Variants in PNPT1 observed in about 807,000 individuals in gnomAD.
PNPT1 encodes polyribonucleotide nucleotidyltransferase 1.
A neutral mutation model predicts 119.5 loss-of-function variants in PNPT1; 53 were observed. The observed-to-expected ratio is 0.44, with a 90% CI of 0.36 to 0.56. The LOEUF (loss-of-function observed/expected upper bound fraction) is 0.56, where lower values mean the gene tolerates loss of function less well. Among genes scored for constraint, PNPT1 ranks in the 20% least tolerant of loss-of-function variants. The pLI, the probability that PNPT1 is intolerant of heterozygous loss-of-function variation, is 0.00. For synonymous variants in PNPT1, 357 were observed against 322.1 expected (o/e 1.11, Z -1.16); for missense variants, 948 against 938.5 (o/e 1.01, Z -0.13).
chr2:55,643,245 A>G lies in PNPT1; in HGVS notation c.2014-32T>C, dbSNP rs761459840. 12 of 1,613,908 alleles carry G rather than the reference A, an allele frequency of 7.4e-6. No homozygotes were observed. The South Asian group carries it at 1.1e-4, about 15-fold the overall frequency. ...GTGCAAAATAAGCCATAAGATTCAT[A>G]AAGAAAACATCAACAAAAAGTAGAA... On this transcript the variant is annotated intron_variant, in intron 24 of 27. Transcript: ENST00000447944.
chr2:55,688,567 A>T (rs1697492911), intron 1 of PNPT1, among the ~76,000 whole-genome samples: 1 of 152,116 alleles, frequency 6.6e-6, no homozygotes, highest in Non-Finnish European at 1.5e-5. Flanking sequence ...TCTACAAAAA[A>T]TATCAAAATT....
rs78670375 is a variant in PNPT1, at chr2:55,693,475, T to C, written c.161+188A>G. Among the ~76,000 whole-genome samples, 43 of 151,960 alleles carry C rather than the reference T, an allele frequency of 2.8e-4. No homozygotes were observed. In the East Asian group the frequency reaches 6.4e-3, roughly 23 times the overall value. On this transcript the variant is annotated intron_variant, in intron 1 of 27. Transcript: ENST00000447944. ...GCACACACCAACAGAGAGAACGACA[T>C]AGCGCGGGAAGGAGGGTCCGAGGAG...
intron 20 of PNPT1, 41 bp from the exon 21 acceptor site, chr2:55,646,363 A>G: frequency 1.9e-6 from 3 of 1,597,528 alleles, no homozygotes; most frequent in Non-Finnish European, 2.6e-6. Flanking sequence ...ATATTGACTC[A>G]TGGCATTATT....
chr2:55,679,564 A>G (rs928048502), intron 8 of PNPT1, 118 bp downstream of exon 8: 2 of 678,326 alleles, frequency 2.9e-6, no homozygotes, highest in Non-Finnish European at 5.0e-6. Context: ...CAGAGATAAA[A>G]CATGACAAAA....
chr2:55,652,340 T>G (rs1325506819), intron 18 of PNPT1, among the ~76,000 whole-genome samples: 1 of 152,250 alleles, frequency 6.6e-6, no homozygotes, highest in African/African-American at 2.4e-5. Flanking sequence ...CCACAGGACT[T>G]GACATTCATT....
intron 21 of PNPT1, 23 bp from the exon 22 acceptor site, chr2:55,645,455 T>G: frequency 4.1e-6 from 6 of 1,464,580 alleles, no homozygotes; most frequent in Non-Finnish European, 5.7e-6. Context: ...AACACAAAAA[T>G]TATAACTACA....
chr2:55,637,295 C>T (rs1281507540), intron 27 of PNPT1, among the ~76,000 whole-genome samples: 1 of 152,208 alleles, frequency 6.6e-6, no homozygotes, highest in Non-Finnish European at 1.5e-5. Context: ...GCATAGCTAA[C>T]ACTAACATGC....
At chr2:55,680,818 T>A in intron 6 of PNPT1, 37 bp downstream of exon 6, 1 of 1,611,374 alleles carries the variant, frequency 6.2e-7, no homozygotes, top group Non-Finnish European at 8.5e-7. Flanking sequence ...AAAAAAATTT[T>A]TAATCTGATA....
chr2:55,674,642 G>A (rs750739214), intron 8 of PNPT1, among the ~76,000 whole-genome samples: 2 of 152,128 alleles, frequency 1.3e-5, no homozygotes, highest in Non-Finnish European at 2.9e-5. Context: ...AGAGCAATAA[G>A]CTTTTCTTTC....
intron 9 of PNPT1, 152 bp from the exon 10 acceptor site, chr2:55,672,198 T>C (rs1489682739): frequency 7.8e-6 from 5 of 638,536 alleles, no homozygotes; most frequent in Non-Finnish European, 1.3e-5. Context: ...CTATTTATCA[T>C]TGCTAATCTG....
chr2:55,693,701 G>C lies in PNPT1; in HGVS notation c.123C>G (p.Ser41Arg), dbSNP rs1351205229. 1 of 1,614,188 alleles carries C rather than the reference G, an allele frequency of 6.2e-7. No individual in the cohort carries two copies. The highest frequency in any genetic ancestry group is 1.7e-5 in the Admixed American group (1 of 60,022). ...TQLQVRALWS[S>R]AGSRAVAVDL... ...CCACGGCCACAGCTCGAGACCCTGC[G>C]CTACTCCATAGTGCTCGCACTTGCA... The change falls in exon 1 of 28, where the codon AGC becomes AGG. Residue 41 changes from serine (S) to arginine (R), a missense_variant. Ser to Arg is a moderately radical substitution (Grantham distance 110). Transcript: ENST00000447944.
At chr2:55,680,012 C>G (rs998575995) in intron 7 of PNPT1, among the ~76,000 whole-genome samples, 1 of 152,138 alleles carries the variant, frequency 6.6e-6, no homozygotes, top group Non-Finnish European at 1.5e-5. Flanking sequence ...TTCTTCCACA[C>G]CTCTGGGATT....
intron 11 of PNPT1, among the ~76,000 whole-genome samples, chr2:55,670,025 C>A (rs1490170666): frequency 6.6e-6 from 1 of 151,994 alleles, no homozygotes; most frequent in Non-Finnish European, 1.5e-5. Flanking sequence ...TCCCAAAGTG[C>A]TGGGATTACA....
intron 1 of PNPT1, among the ~76,000 whole-genome samples, chr2:55,688,920 A>C (rs1049204392): frequency 6.6e-6 from 1 of 152,206 alleles, no homozygotes; most frequent in Non-Finnish European, 1.5e-5. Context: ...GGACAACTGG[A>C]TGCAAAAAAG....
chr2:55,687,579 T>A (rs562494293), intron 2 of PNPT1, 66 bp downstream of exon 2: 4 of 1,155,770 alleles, frequency 3.5e-6, no homozygotes, highest in Non-Finnish European at 4.9e-6. Context: ...GATGTTGTAG[T>A]TACACATTTA....
At chr2:55,637,753 T>C (rs1322319789) in intron 26 of PNPT1, among the ~76,000 whole-genome samples, 154 bp from the exon 27 acceptor site, 5 of 152,000 alleles carry the variant, frequency 3.3e-5, no homozygotes, top group Non-Finnish European at 5.9e-5. Context: ...TTCCAGCACT[T>C]TGGGAGGCAG....
At chr2:55,690,686 T>C (rs1398054225) in intron 1 of PNPT1, among the ~76,000 whole-genome samples, 1 of 152,232 alleles carries the variant, frequency 6.6e-6, no homozygotes, top group Non-Finnish European at 1.5e-5. Context: ...TTCTTGACTC[T>C]GAAATATTAG....
chr2:55,673,781 T>C (rs990451060), intron 8 of PNPT1, among the ~76,000 whole-genome samples: 6 of 151,978 alleles, frequency 3.9e-5, no homozygotes, highest in Non-Finnish European at 7.4e-5. Context: ...ATGTATGTCC[T>C]TTTCTGTGAA....
At chr2:55,637,655 G>T in intron 26 of PNPT1, 56 bp from the exon 27 acceptor site, 2 of 1,372,826 alleles carry the variant, frequency 1.5e-6, no homozygotes, top group Non-Finnish European at 2.1e-6. Context: ...TAGTGTCCAT[G>T]GAAGTACACA....
Sources: allele counts gnomAD v4.1 joint callset (sites outside exome capture counted in the v4.1 genomes callset), GRCh38; gene constraint gnomAD v4.1.1; transcripts MANE v1.5; gene names NCBI Gene and HGNC (gene_info 2026-07-23, HGNC 2026-07-21).